The following GTF3C1 variants were observed in gnomAD, a reference collection of about 807,000 sequenced individuals.
GTF3C1 encodes general transcription factor 3C polypeptide 1.
A neutral mutation model predicts 226.7 loss-of-function variants in GTF3C1; 57 were observed. That is an observed-to-expected ratio of 0.25 (90% CI 0.20 to 0.31). The LOEUF is 0.31. Among genes scored for constraint, GTF3C1 ranks in the 10% least tolerant of loss-of-function variants. The pLI, the probability that GTF3C1 is intolerant of heterozygous loss-of-function variation, is 1.00. For missense variants in GTF3C1, 2,217 were observed against 2,776.1 expected (o/e 0.80, Z 4.53); for synonymous variants, 1,090 against 1,084.8 (o/e 1.00, Z -0.09).
In GTF3C1 at chr16:27,528,622, A is replaced by T; in HGVS notation, c.949T>A (p.Cys317Ser). 1.2e-6 allele frequency: 2 copies of T among 1,611,778 alleles called. No individual in the cohort carries two copies. The highest frequency in any genetic ancestry group is 1.7e-6 in the Non-Finnish European group (2 of 1,177,854). The part of the protein sequence containing the change: ...SLRLQEIHPE[C>S]GPCKTKKGTD... ...CCTTTCTTTGTCTTACAAGGTCCAC[A>T]TTCAGGGTGGATCTCTTGCAAGCGA... The change falls in exon 6 of 37, where the codon TGT (cysteine) becomes AGT (serine). Residue 317 changes from cysteine (C) to serine (S), a missense_variant. By Grantham distance (112) the Cys-to-Ser change is moderately radical. Coordinates refer to ENST00000356183, the MANE Select transcript of GTF3C1 (RefSeq NM_001520.4).
chr16:27,471,905 G>A lies in GTF3C1; in HGVS notation c.4369C>T (p.Arg1457Trp). ...YQSFQTFRLY[R>W]EYKDHVLVKA... ...ACAAGAACGTGGTCCTTGTACTCCC[G>A]ATAGAGGCGGAAAGTCTGCAACACA... Residue 1457 changes from arginine to tryptophan, a missense_variant, in exon 30 of 37, where the codon CGG becomes TGG. By Grantham distance (101) the Arg-to-Trp change is moderately radical. This residue lies in a region of GTF3C1 where 546 missense variants were observed against 663.0 expected (regional missense o/e 0.82). Transcript: ENST00000356183. This position sits in a 1 kb window ranked among gnomAD's most constrained non-coding sequence, Gnocchi z 5.0. 9 of 1,614,068 alleles carry A rather than the reference G, an allele frequency of 5.6e-6. No homozygotes were observed. Among genetic ancestry groups the A allele is most frequent in the Non-Finnish European group, 5.1e-6 (6 of 1,179,984 alleles).
chr16:27,525,665 G>T (rs901357233), intron 6 of GTF3C1, among the ~76,000 whole-genome samples: 1 of 152,194 alleles, frequency 6.6e-6, no homozygotes, highest in African/African-American at 2.4e-5. Context: ...ACCTTCTGCA[G>T]GGCACTGAGC....
intron 16 of GTF3C1, among the ~76,000 whole-genome samples, chr16:27,494,505 G>A (rs551118787): frequency 2.0e-5 from 3 of 151,738 alleles, no homozygotes; most frequent in Admixed American, 2.0e-4. Context: ...TTAGAAGAGC[G>A]AGTCTTTAAA....
At chr16:27,521,432 T>C (rs567573971) in intron 6 of GTF3C1, among the ~76,000 whole-genome samples, 1 of 152,246 alleles carries the variant, frequency 6.6e-6, no homozygotes, top group Non-Finnish European at 1.5e-5. Flanking sequence ...CTGTCCCCAG[T>C]GTGCTCTTCT....
intron 6 of GTF3C1, among the ~76,000 whole-genome samples, chr16:27,515,478 CA>C (rs997222064): frequency 6.8e-6 from 1 of 147,048 alleles, no homozygotes; most frequent in East Asian, 2.0e-4. Context: ...AAAAAAAAAA[CA>C]AAAAAAACCC....
intron 7 of GTF3C1, among the ~76,000 whole-genome samples, chr16:27,511,400 G>A (rs138953319): frequency 6.4e-4 from 98 of 152,288 alleles, no homozygotes; most frequent in African/African-American, 2.2e-3. Flanking sequence ...GAGCTAGTGC[G>A]ACTTCTCAGC....
At chr16:27,472,577 T>G (rs1349880761) in intron 29 of GTF3C1, among the ~76,000 whole-genome samples, 1 of 152,214 alleles carries the variant, frequency 6.6e-6, no homozygotes, top group Non-Finnish European at 1.5e-5. Flanking sequence ...GCCTGATAAG[T>G]GGGACCCTGC....
rs1203010560 is a variant in GTF3C1, at chr16:27,498,633, T to C, written c.2162A>G (p.Asn721Ser). The C allele has an allele frequency of 6.5e-7, 1 of 1,538,166 alleles. No homozygotes were observed. The highest frequency in any genetic ancestry group is 9.0e-7 in the Non-Finnish European group (1 of 1,110,510). Reference protein sequence around the residue: ...RFRISNSSTANRVKTSQPPVP... With the variant: ...RFRISNSSTASRVKTSQPPVP... ...CTTCCCGGGCACCTCCACTTGCCTG[T>C]TGGCTGTGCTTGAATTGGAGATCCG... The change falls in exon 13 of 37, where the codon AAC becomes AGC. Residue 721 changes from asparagine to serine, a missense_variant. By Grantham distance (46) the Asn-to-Ser change is conservative (BLOSUM62 1). Around this residue, in one of 12 missense-constraint regions of GTF3C1, gnomAD observed 100 missense variants for 139.9 expected, o/e 0.71. Transcript: ENST00000356183.
Position 27,462,073 on chromosome 16 carries a change from C to T in GTF3C1, c.6117+221G>A. The T allele has an allele frequency of 3.5e-6, 2 of 568,628 alleles. No individual in the cohort carries two copies. Among genetic ancestry groups the T allele is most frequent in the South Asian group, 2.3e-5 (1 of 43,454 alleles). 35.2% of individuals were successfully genotyped at this position (568,628 alleles called of 1,614,324 possible). On this transcript the variant is annotated intron_variant, in intron 36 of 36. Transcript: ENST00000356183. This position sits in a 1 kb window ranked among gnomAD's most constrained non-coding sequence, Gnocchi z 4.5. ...GCACAGAGAAAGCATCAGAGACAAG[C>T]ACCCCGGGCACCCCATCTTCCAGCC...
chr16:27,477,924 C>CTT (rs2087978008), intron 28 of GTF3C1, among the ~76,000 whole-genome samples: 1 of 152,212 alleles, frequency 6.6e-6, no homozygotes, highest in African/African-American at 2.4e-5. Context: ...AATCCCAGCA[C>CTT]TTTGAGAGAC....
chr16:27,483,702 A>T (rs1368698879), intron 25 of GTF3C1, among the ~76,000 whole-genome samples: 1 of 151,938 alleles, frequency 6.6e-6, no homozygotes, highest in Non-Finnish European at 1.5e-5. Flanking sequence ...AGGCAAGGGG[A>T]CTCCCTGAGG....
At chr16:27,476,030 C>A (rs2087945673) in intron 29 of GTF3C1, among the ~76,000 whole-genome samples, 1 of 152,136 alleles carries the variant, frequency 6.6e-6, no homozygotes, top group Admixed American at 6.5e-5. Context: ...CCAAGGGGTG[C>A]AAAGCTTCAG....
At chr16:27,495,618 T>C in intron 14 of GTF3C1, 126 bp from the exon 15 acceptor site, 1 of 815,244 alleles carries the variant, frequency 1.2e-6, no homozygotes, top group East Asian at 2.7e-5. Context: ...ATTCTTACTG[T>C]CTTAGAGCTT....
chr16:27,542,525 G>A (rs1248979887), intron 2 of GTF3C1, among the ~76,000 whole-genome samples: 1 of 151,288 alleles, frequency 6.6e-6, no homozygotes, highest in East Asian at 1.9e-4. Context: ...TGCGCCATTG[G>A]ACTCCAGCCT....
chr16:27,475,371 T>G (rs564791098), intron 29 of GTF3C1, among the ~76,000 whole-genome samples: 10 of 152,336 alleles, frequency 6.6e-5, no homozygotes, highest in South Asian at 2.1e-4. Flanking sequence ...TTTCTTATTC[T>G]TTTTTCCCCT....
intron 6 of GTF3C1, among the ~76,000 whole-genome samples, chr16:27,523,916 C>T (rs982982559): frequency 3.3e-5 from 5 of 152,176 alleles, no homozygotes; most frequent in African/African-American, 1.2e-4. Context: ...TCTAAACATC[C>T]TGACCGTCAT....
rs758108410 is a variant in GTF3C1 at position 27,486,065 on chromosome 16, T to C, written c.3790A>G (p.Thr1264Ala). The C allele has an allele frequency of 6.2e-7, 1 of 1,611,342 alleles. No individual in the cohort carries two copies. Among genetic ancestry groups the C allele is most frequent in the African/African-American group, 1.3e-5 (1 of 74,958 alleles). The change falls in exon 24 of 37, where the codon ACC (threonine) becomes GCC (alanine). Residue 1264 changes from threonine to alanine, a missense_variant. Physicochemically the swap from Thr to Ala is moderately conservative, Grantham distance 58. Transcript: ENST00000356183. ...ALQRMTRLRV[T>A]WSMQEDGLLV... ...AGCCCATCCTCCTGCATAGACCAGG[T>C]GACACGAAGCCGCGTCATCCGCTGC...
chr16:27,541,519 G>C (rs191487225), intron 2 of GTF3C1, among the ~76,000 whole-genome samples: 21 of 152,310 alleles, frequency 1.4e-4, no homozygotes, highest in Non-Finnish European at 1.3e-4. Flanking sequence ...TTTGAGCAAC[G>C]TATAATCTAG....
At chr16:27,505,766 G>T (rs1334398736) in intron 10 of GTF3C1, 133 bp downstream of exon 10, 61 of 637,774 alleles carry the variant, frequency 9.6e-5, no homozygotes, top group Non-Finnish European at 1.7e-4. Context: ...TGCCTGGGAA[G>T]CACAGGCAGG....
Sources: gnomAD v4.1 joint callset for allele counts (sites outside exome capture counted in the v4.1 genomes callset) on GRCh38, gnomAD v4.1.1 for gene constraint, gnomAD v4.1.1 regional missense constraint, Gnocchi (gnomAD v3.1) non-coding constraint, MANE v1.5 for transcripts, NCBI Gene and HGNC (gene_info 2026-07-23, HGNC 2026-07-21) for gene names.